The following CNBD1 variants were observed in gnomAD, a reference collection of about 807,000 sequenced individuals.
CNBD1 encodes the protein cyclic nucleotide binding domain containing 1, also known as cyclic nucleotide-binding domain-containing protein 1.
A neutral mutation model predicts 54.4 loss-of-function variants in CNBD1; 71 were observed. That is an observed-to-expected ratio of 1.30 (90% confidence interval 1.08 to 1.59). The LOEUF (loss-of-function observed/expected upper bound fraction) is 1.59. Among genes scored for constraint, CNBD1 ranks in the 40% most tolerant of loss-of-function variants. The probability of loss-of-function intolerance (pLI) is 0.00; values close to 1 mark genes in which losing one functional copy is unlikely to be tolerated. For synonymous variants in CNBD1, 182 were observed against 170.7 expected, an observed-to-expected ratio of 1.07 and a Z score of -0.51; for missense variants, 659 against 518.0, an observed-to-expected ratio of 1.27 and a Z score of -2.64.
rs112185456 is a variant in CNBD1, at chr8:87,256,100, G to C, written c.771+18988G>C. On this transcript the variant is annotated intron_variant, in intron 6 of 10. Coordinates refer to ENST00000518476, the MANE Select transcript of CNBD1 (RefSeq NM_173538.3). ...TGCAATGGTATGATCTCAGCTCACT[G>C]CAACCTCTACCTCCTGGGTTCAAGC... Among the ~76,000 whole-genome samples, 547 of 132,450 alleles carry C rather than the reference G, an allele frequency of 4.1e-3. 3 individuals carry two copies. The highest frequency in any genetic ancestry group is 0.015 in the African/African-American group (514 of 34,566). 86.9% of individuals were successfully genotyped at this position (132,450 alleles called of 152,430 possible). A position where few individuals can be genotyped will look rare whatever the true frequency, so the allele number is the denominator to read the frequency against.
chr8:87,425,659 G>A (rs1415032127), intron 2 of CNBD1, among the ~76,000 whole-genome samples: 1 of 152,132 alleles, frequency 6.6e-6, no homozygotes, highest in Non-Finnish European at 1.5e-5. Context: ...ACCCACTTGA[G>A]GAGGCAGTCT....
chr8:87,100,763 C>A (rs1811413695), intron 4 of CNBD1, among the ~76,000 whole-genome samples: 1 of 152,120 alleles, frequency 6.6e-6, no homozygotes, highest in South Asian at 2.1e-4. Flanking sequence ...GTGTGAGCCA[C>A]CATGCCTGGC....
At chr8:87,392,001 G>A (rs990125508) in intron 2 of CNBD1, among the ~76,000 whole-genome samples, 2 of 151,832 alleles carry the variant, frequency 1.3e-5, no homozygotes, top group Admixed American at 1.3e-4. Context: ...ATTAATGAAG[G>A]GCAGGAATGG....
intron 4 of CNBD1, among the ~76,000 whole-genome samples, chr8:87,061,614 C>T (rs1810549650): frequency 6.6e-6 from 1 of 152,098 alleles, no homozygotes; most frequent in African/African-American, 2.4e-5. Context: ...GTTGTGTTTG[C>T]CCCATTCTGA....
At chr8:87,412,446 A>C (rs1807762139) in intron 2 of CNBD1, among the ~76,000 whole-genome samples, 1 of 152,106 alleles carries the variant, frequency 6.6e-6, no homozygotes, top group African/African-American at 2.4e-5. Context: ...TATCATGTGC[A>C]AGTGATTTTA....
At chr8:87,187,470 C>CCT (rs558720218) in intron 4 of CNBD1, among the ~76,000 whole-genome samples, 1 of 141,884 alleles carries the variant, frequency 7.0e-6, no homozygotes, top group Non-Finnish European at 1.5e-5. Flanking sequence ...ATATCCTTCT[C>CCT]TTTTTTTTTT....
At chr8:87,217,376 T>C (rs1037381648) in intron 5 of CNBD1, among the ~76,000 whole-genome samples, 22 of 152,032 alleles carry the variant, frequency 1.4e-4, no homozygotes, top group Non-Finnish European at 2.9e-4. Flanking sequence ...CCCCAAGTAA[T>C]TGGAGATTTA....
At chr8:87,021,028 A>AG (rs1306945288) in intron 4 of CNBD1, among the ~76,000 whole-genome samples, 1 of 152,200 alleles carries the variant, frequency 6.6e-6, no homozygotes, top group Non-Finnish European at 1.5e-5. Context: ...ATTTCCCTAT[A>AG]GCCTGGAAGC....
At chr8:87,052,275 C>T (rs1257027547) in intron 4 of CNBD1, among the ~76,000 whole-genome samples, 2 of 152,134 alleles carry the variant, frequency 1.3e-5, no homozygotes, top group Non-Finnish European at 2.9e-5. Context: ...TCCATAGCTT[C>T]CTTCTGATAT....
intron 2 of CNBD1, among the ~76,000 whole-genome samples, chr8:86,892,908 A>G (rs1363533064): frequency 6.6e-6 from 1 of 152,180 alleles, no homozygotes; most frequent in Non-Finnish European, 1.5e-5. Flanking sequence ...TAAGAAATAA[A>G]GAAATGAAGA....
At chr8:87,400,402 G>A (rs140998214) in intron 2 of CNBD1, among the ~76,000 whole-genome samples, 3 of 152,050 alleles carry the variant, frequency 2.0e-5, no homozygotes, top group African/African-American at 7.2e-5. Flanking sequence ...TTCTTGGGTA[G>A]AAAACTGAAA....
At chr8:87,036,474 G>C (rs1809949882) in intron 4 of CNBD1, among the ~76,000 whole-genome samples, 1 of 151,410 alleles carries the variant, frequency 6.6e-6, no homozygotes, top group Admixed American at 6.6e-5. Context: ...GGCGCCTGTA[G>C]TCCCAGCTGC....
chr8:87,307,233 A>G (rs1336462118), intron 8 of CNBD1, among the ~76,000 whole-genome samples: 1 of 152,220 alleles, frequency 6.6e-6, no homozygotes, highest in East Asian at 1.9e-4. Flanking sequence ...CGAAAATTGT[A>G]TAAACAGAAT....
At chr8:87,393,850 A>C (rs1264902546) in intron 2 of CNBD1, among the ~76,000 whole-genome samples, 1 of 151,790 alleles carries the variant, frequency 6.6e-6, no homozygotes, top group Non-Finnish European at 1.5e-5. Flanking sequence ...AGGTAATCAA[A>C]ACTGGAGAGA....
intron 6 of CNBD1, among the ~76,000 whole-genome samples, chr8:87,278,157 T>A (rs1240349502): frequency 6.6e-6 from 1 of 151,502 alleles, no homozygotes; most frequent in African/African-American, 2.4e-5. Context: ...AGAAAAAAGA[T>A]GAATGATAGA....
At chr8:87,160,304 A>G (rs1812829051) in intron 4 of CNBD1, among the ~76,000 whole-genome samples, 1 of 152,016 alleles carries the variant, frequency 6.6e-6, no homozygotes, top group Non-Finnish European at 1.5e-5. Context: ...ACAGGTATAG[A>G]TTATTAAAAA....
At chr8:86,924,610 C>T (rs1484260306) in intron 3 of CNBD1, among the ~76,000 whole-genome samples, 1 of 151,830 alleles carries the variant, frequency 6.6e-6, no homozygotes, top group Non-Finnish European at 1.5e-5. Context: ...ATTTTTTTGC[C>T]TGACAGGAGT....
At chr8:87,381,518 T>TTC (rs1411288112) in intron 10 of CNBD1, among the ~76,000 whole-genome samples, 4 of 151,974 alleles carry the variant, frequency 2.6e-5, no homozygotes, top group African/African-American at 9.7e-5. Context: ...GCAGGCCCAG[T>TTC]TCTAGATATT....
At chr8:87,055,883 TTTCCTTCCTTCCTTCC>T (rs71277912) in intron 4 of CNBD1, among the ~76,000 whole-genome samples, 4,737 of 92,912 alleles carry the variant, frequency 0.051, 200 homozygotes, top group African/African-American at 0.11. Flanking sequence ...CTGCTTGACC[TTTCCTTCCTTCCTTCC>T]TTCCTTCCTT....
Sources: allele counts gnomAD v4.1 joint callset (sites outside exome capture counted in the v4.1 genomes callset), GRCh38; gene constraint gnomAD v4.1.1; transcripts MANE v1.5; gene names NCBI Gene and HGNC (gene_info 2026-07-23, HGNC 2026-07-21).